RSL24D1: variants seen among roughly 807,000 people sequenced by gnomAD.
The protein encoded by RSL24D1 is ribosomal L24 domain containing 1.
In RSL24D1, 6 loss-of-function variants were observed where a neutral mutation model predicts 26.2. The ratio of observed to expected loss-of-function variants is 0.23; its 90% CI spans 0.13 to 0.45. The LOEUF (loss-of-function observed/expected upper bound fraction) is 0.45, where lower values mean the gene tolerates loss of function less well. Among genes scored for constraint, RSL24D1 ranks in the 20% least tolerant of loss-of-function variants. RSL24D1 has a pLI of 0.99. For synonymous variants in RSL24D1, 61 were observed against 59.1 expected, an observed-to-expected ratio of 1.03 and a Z score of -0.15; for missense variants, 176 against 202.6, an observed-to-expected ratio of 0.87 and a Z score of 0.80.
At chr15:55,187,370 G>A (rs1038092551) in intron 3 of RSL24D1, among the ~76,000 whole-genome samples, 1 of 152,068 alleles carries the variant, frequency 6.6e-6, no homozygotes, top group African/African-American at 2.4e-5. Flanking sequence ...AAACACAAGT[G>A]GCAGGAAAAT....
intron 5 of RSL24D1, 42 bp downstream of exon 5, chr15:55,183,273 T>C (rs1894189324): frequency 2.0e-6 from 3 of 1,496,770 alleles, no homozygotes; most frequent in African/African-American, 2.8e-5. Context: ...GGTACCCAAA[T>C]ACACAGACCA....
chr15:55,187,669 T>C (rs919568557), intron 3 of RSL24D1, among the ~76,000 whole-genome samples: 1 of 152,022 alleles, frequency 6.6e-6, no homozygotes, highest in East Asian at 1.9e-4. Flanking sequence ...CTGTATGTTC[T>C]CACTTGTAAG....
rs1038606016 is a variant in RSL24D1 at position 55,181,410 on chromosome 15, C to G, written c.*742G>C. On this transcript the variant is annotated 3_prime_UTR_variant, in exon 6 of 6. Coordinates refer to ENST00000260443, the MANE Select transcript of RSL24D1 (RefSeq NM_016304.3). ...AAAACAGGAGCTTTTTAAAAGAAAA[C>G]CACATAACAACTTTTAAAAGGCGCT... The G allele has an allele frequency of 6.6e-6, 1 of 152,536 alleles. No individual in the cohort carries two copies. The highest frequency in any genetic ancestry group is 6.6e-5 in the Admixed American group (1 of 15,252). 9.4% of individuals were successfully genotyped at this position (152,536 alleles called of 1,614,324 possible).
chr15:55,190,624 G>A (rs575400009), intron 3 of RSL24D1, among the ~76,000 whole-genome samples: 4 of 152,256 alleles, frequency 2.6e-5, no homozygotes, highest in South Asian at 2.1e-4. Flanking sequence ...AACATGTAAA[G>A]TGTGTTAGGT....
chr15:55,183,671 A>G (rs1595650644), intron 4 of RSL24D1, among the ~76,000 whole-genome samples: 1 of 152,188 alleles, frequency 6.6e-6, no homozygotes, highest in South Asian at 2.1e-4. Flanking sequence ...AAAGAGATAT[A>G]TACCTTACAT....
intron 2 of RSL24D1, 34 bp from the exon 3 acceptor site, chr15:55,191,081 T>C (rs750280675): frequency 6.9e-7 from 1 of 1,452,386 alleles, no homozygotes; most frequent in Admixed American, 2.2e-5. Flanking sequence ...AAAAATAAGG[T>C]TTTAAGAAAG....
chr15:55,196,618 C>G, intron 1 of RSL24D1, 192 bp downstream of exon 1: 1 of 610,234 alleles, frequency 1.6e-6, no homozygotes, highest in East Asian at 2.8e-5. Flanking sequence ...CAGCGCCGCT[C>G]GGAAGACGGG....
At chr15:55,185,045 T>C (rs1435420865) in intron 4 of RSL24D1, among the ~76,000 whole-genome samples, 1 of 152,188 alleles carries the variant, frequency 6.6e-6, no homozygotes, top group East Asian at 1.9e-4. Context: ...GATTATATAA[T>C]AGTATTACAT....
At position 55,192,795 on chromosome 15, in the gene RSL24D1, A is replaced by T; in HGVS notation, c.120T>A (p.Phe40Leu). Residue 40 changes from phenylalanine to leucine, a missense_variant, in exon 2 of 6, where the codon TTT (phenylalanine) becomes TTA (leucine). Phe to Leu is a conservative substitution (Grantham distance 22). Transcript: ENST00000260443. ...CTTTGCGAGGATTGCGCTTCTTTTT[A>T]AAGTTTTTATGACATTTAGATTTGC... is the stretch of plus-strand genomic sequence containing the variant. ...RFCKSKCHKN[F>L]KKKRNPRKVR... The T allele has an allele frequency of 6.2e-7, 1 of 1,613,910 alleles. No homozygotes were observed. The highest frequency in any genetic ancestry group is 1.1e-5 in the South Asian group (1 of 91,052).
chr15:55,183,271 A>T (rs760662430), intron 5 of RSL24D1, 44 bp downstream of exon 5: 12 of 1,486,232 alleles, frequency 8.1e-6, no homozygotes, highest in African/African-American at 1.4e-5. Flanking sequence ...TTGGTACCCA[A>T]ATACACAGAC....
intron 3 of RSL24D1, among the ~76,000 whole-genome samples, chr15:55,185,731 C>T (rs1016277386): frequency 5.3e-5 from 8 of 152,150 alleles, no homozygotes; most frequent in African/African-American, 1.9e-4. Context: ...ATAAAGAGAA[C>T]TTGGACTACT....
chr15:55,189,846 T>C (rs1894273068), intron 3 of RSL24D1, among the ~76,000 whole-genome samples: 1 of 152,180 alleles, frequency 6.6e-6, no homozygotes, highest in African/African-American at 2.4e-5. Context: ...GTAATAAAGT[T>C]TGTGGAATTC....
intron 1 of RSL24D1, among the ~76,000 whole-genome samples, chr15:55,194,803 T>TACACACACACAC (rs143219738): frequency 1.4e-5 from 2 of 147,010 alleles, no homozygotes; most frequent in African/African-American, 5.0e-5. Flanking sequence ...CCTCTGTCTC[T>TACACACACACAC]ACACACACAC....
chr15:55,185,174 C>T (rs540303201), intron 4 of RSL24D1, among the ~76,000 whole-genome samples, 188 bp downstream of exon 4: 1 of 152,232 alleles, frequency 6.6e-6, no homozygotes, highest in Non-Finnish European at 1.5e-5. Context: ...GTCTTCAATA[C>T]ATTGAGACAA....
Position 55,192,862 on chromosome 15 carries a change from T to C in RSL24D1, c.82-29A>G, listed in dbSNP as rs371969621. The C allele has an allele frequency of 1.9e-5, 29 of 1,507,682 alleles. No homozygotes were observed. In the African/African-American group the frequency reaches 3.6e-4, roughly 19 times the overall value. The allele number at this position is 1,507,682 out of a possible 1,614,324, so 93.4% of individuals were successfully genotyped here. On this transcript the variant is annotated intron_variant, in intron 1 of 5. Transcript: ENST00000260443. ...CAAGAAAAGTTAAAATATTGAGAAGTCAACATTAAAAACTTTTCTATCACA... is the reference window on the plus strand; with the variant it reads ...CAAGAAAAGTTAAAATATTGAGAAGCCAACATTAAAAACTTTTCTATCACA...
intron 2 of RSL24D1, 86 bp downstream of exon 2, chr15:55,192,634 G>A: frequency 1.1e-6 from 1 of 909,494 alleles, no homozygotes; most frequent in Non-Finnish European, 1.8e-6. Flanking sequence ...AGGAGGCCTT[G>A]TTATGATTGA....
chr15:55,188,740 G>A (rs559002267), intron 3 of RSL24D1, among the ~76,000 whole-genome samples: 6 of 152,288 alleles, frequency 3.9e-5, no homozygotes, highest in African/African-American at 9.6e-5. Context: ...TTCACATATC[G>A]CTAAAATTGT....
At chr15:55,195,256 G>C (rs1394245666) in intron 1 of RSL24D1, 2 of 152,090 alleles carry the variant, frequency 1.3e-5, no homozygotes, top group African/African-American at 4.8e-5. Flanking sequence ...AGAGCAAAAA[G>C]ATCTGAGGTA....
intron 5 of RSL24D1, among the ~76,000 whole-genome samples, chr15:55,182,613 A>T (rs1894180718): frequency 6.6e-6 from 1 of 152,092 alleles, no homozygotes; most frequent in Non-Finnish European, 1.5e-5. Context: ...TTACCTAAAA[A>T]CTTAGATAAC....
Sources: gnomAD v4.1 joint callset for allele counts (sites outside exome capture counted in the v4.1 genomes callset) on GRCh38, gnomAD v4.1.1 for gene constraint, MANE v1.5 for transcripts, NCBI Gene and HGNC (gene_info 2026-07-23, HGNC 2026-07-21) for gene names.